Variants in FREM2 observed in about 807,000 individuals in gnomAD.
FREM2 encodes the protein FRAS1-related extracellular matrix protein 2.
FREM2 carries 119 observed loss-of-function variants against 219.9 expected under a neutral mutation model. The ratio of observed to expected loss-of-function variants is 0.54; its 90% CI spans 0.47 to 0.63. The LOEUF is 0.63. FREM2 is among the 30% of genes least tolerant of loss of function. FREM2 has a pLI of 0.00. For synonymous variants in FREM2, 1,562 were observed against 1,522.8 expected, an observed-to-expected ratio of 1.03 and a Z score of -0.60; for missense variants, 4,030 against 3,993.6, an observed-to-expected ratio of 1.01 and a Z score of -0.25.
At chr13:38,741,193 A>C (rs1010027299) in intron 2 of FREM2, among the ~76,000 whole-genome samples, 2 of 152,168 alleles carry the variant, frequency 1.3e-5, no homozygotes, top group African/African-American at 4.8e-5. Context: ...CCACTAAAAC[A>C]CACTGCCTCT....
At chr13:38,757,600 T>C (rs941773771) in intron 2 of FREM2, among the ~76,000 whole-genome samples, 2 of 151,596 alleles carry the variant, frequency 1.3e-5, no homozygotes, top group Non-Finnish European at 2.9e-5. Context: ...TCTTTTTTTT[T>C]CTCTTTTTTT....
chr13:38,739,050 G>A (rs1444795690), intron 2 of FREM2, among the ~76,000 whole-genome samples: 2 of 152,128 alleles, frequency 1.3e-5, no homozygotes, highest in African/African-American at 2.4e-5. Flanking sequence ...GGAGTAAGTA[G>A]TATCATATAT....
In FREM2 at chr13:38,850,094, A is replaced by G. The variant is rs772505035; in HGVS notation, c.6436A>G (p.Ile2146Val). 3.7e-6 allele frequency: 6 copies of G among 1,614,076 alleles called. No individual in the cohort carries two copies. Among genetic ancestry groups the G allele is most frequent in the South Asian group, 2.2e-5 (2 of 91,084 alleles). The change falls in exon 9 of 24, where the codon ATA (isoleucine) becomes GTA (valine). Residue 2146 changes from isoleucine to valine, a missense_variant. Physicochemically the swap from Ile to Val is conservative, Grantham distance 29. Around this residue, in one of 2 missense-constraint regions of FREM2, gnomAD observed 3,102 missense variants for 2,950.7 expected, o/e 1.05. Coordinates refer to ENST00000280481, the MANE Select transcript of FREM2 (RefSeq NM_207361.6). ...IYTGSESDGQ[I>V]VTMIHRTGDV... ...TACTGGCAGCGAAAGTGATGGGCAGATAGTTACAATGATCCATAGGACTGG... is the reference window on the plus strand; with the variant it reads ...TACTGGCAGCGAAAGTGATGGGCAGGTAGTTACAATGATCCATAGGACTGG...
At chr13:38,784,455 A>G (rs1364857817) in intron 5 of FREM2, 102 bp from the exon 6 acceptor site, 5 of 1,316,820 alleles carry the variant, frequency 3.8e-6, no homozygotes, top group African/African-American at 2.9e-5. Context: ...GTTCATGTCT[A>G]CTAACTGACC....
At chr13:38,818,477 A>G (rs748900564) in intron 6 of FREM2, among the ~76,000 whole-genome samples, 3 of 152,108 alleles carry the variant, frequency 2.0e-5, no homozygotes, top group Non-Finnish European at 4.4e-5. Flanking sequence ...TGGAATCTAC[A>G]AAGGAAAAAA....
At chr13:38,768,985 T>C (rs552066382) in intron 3 of FREM2, among the ~76,000 whole-genome samples, 181 of 152,300 alleles carry the variant, frequency 1.2e-3, no homozygotes, top group Middle Eastern at 3.4e-3. Flanking sequence ...AATTCTGGGG[T>C]GTTCCAGAAA....
Position 38,880,693 on chromosome 13 carries a change from A to G in FREM2, c.9416A>G (p.Glu3139Gly). 3 of 1,614,188 alleles carry G rather than the reference A, an allele frequency of 1.9e-6. No homozygotes were observed. Among genetic ancestry groups the G allele is most frequent in the Non-Finnish European group, 2.5e-6 (3 of 1,180,028 alleles). ...VIAVLMCRGK[E>G]SFRGKDAPKG... ...GCAGTGCTGATGTGCAGGGGCAAGGAAAGTTTCAGGGGGAAGGATGCCCCG... is the reference window on the plus strand; with the variant it reads ...GCAGTGCTGATGTGCAGGGGCAAGGGAAGTTTCAGGGGGAAGGATGCCCCG... The change falls in exon 24 of 24, where the codon GAA (glutamate) becomes GGA (glycine). Residue 3139 changes from glutamate (E) to glycine (G), a missense_variant. Glu to Gly is a moderately conservative substitution (Grantham distance 98). This residue lies in a region of FREM2 where 928 missense variants were observed against 1,042.9 expected (regional missense o/e 0.89). Transcript: ENST00000280481.
rs66795118 is a variant in FREM2, at chr13:38,840,625, A to AATATATATATATATATATAT, written c.6020-5947_6020-5928dup. On this transcript the variant is annotated intron_variant, in intron 6 of 23. Transcript: ENST00000280481. ...TTTTTAACCTGGGGGATAAAACTAA[A>AATATATATATATATATATAT]ATATATATATATATATATATGTGTA... Among the ~76,000 whole-genome samples the AATATATATATATATATATAT allele has an allele frequency of 4.7e-3, 632 of 135,002 alleles. 5 individuals carry two copies. The highest frequency in any genetic ancestry group is 0.018 in the African/African-American group (580 of 31,500). 88.6% of individuals were successfully genotyped at this position (135,002 alleles called of 152,430 possible).
chr13:38,781,466 C>T (rs2137827924), intron 4 of FREM2, among the ~76,000 whole-genome samples: 1 of 152,128 alleles, frequency 6.6e-6, no homozygotes, highest in South Asian at 2.1e-4. Flanking sequence ...TACTTATTTT[C>T]TTGTATACAT....
At chr13:38,828,094 A>G (rs1876363398) in intron 6 of FREM2, among the ~76,000 whole-genome samples, 1 of 152,118 alleles carries the variant, frequency 6.6e-6, no homozygotes, top group African/African-American at 2.4e-5. Context: ...TAACATGCAC[A>G]CATTTTTGTT....
chr13:38,782,059 G>A (rs997482864), intron 4 of FREM2, among the ~76,000 whole-genome samples: 3 of 152,240 alleles, frequency 2.0e-5, no homozygotes, highest in South Asian at 2.1e-4. Context: ...AACATTAGGC[G>A]TGGTTCCCAT....
intron 2 of FREM2, among the ~76,000 whole-genome samples, chr13:38,756,920 G>A (rs1873032836): frequency 6.6e-6 from 1 of 152,088 alleles, no homozygotes; most frequent in Non-Finnish European, 1.5e-5. Context: ...TAAAAAAACT[G>A]TGAATAGGAT....
chr13:38,744,767 C>T (rs1334963216), intron 2 of FREM2, among the ~76,000 whole-genome samples: 1 of 152,236 alleles, frequency 6.6e-6, no homozygotes, highest in Admixed American at 6.5e-5. Flanking sequence ...GCTGGGATTA[C>T]AGGCGTAAGC....
intron 11 of FREM2, among the ~76,000 whole-genome samples, chr13:38,854,796 C>T (rs1381009646): frequency 2.6e-5 from 4 of 152,106 alleles, no homozygotes; most frequent in African/African-American, 9.7e-5. Context: ...AATTGCTCCT[C>T]GTACCTGATA....
intron 23 of FREM2, 69 bp downstream of exon 23, chr13:38,879,046 C>G (rs989081557): frequency 7.5e-7 from 1 of 1,332,622 alleles, no homozygotes; most frequent in East Asian, 2.3e-5. Flanking sequence ...ATTTATATGC[C>G]TCAGATGTCT....
At chr13:38,726,551 A>G (rs9576604) in intron 2 of FREM2, among the ~76,000 whole-genome samples, 18,268 of 152,120 alleles carry the variant, frequency 0.12, 1,290 homozygotes, top group Middle Eastern at 0.24. Flanking sequence ...GGAGTCTATC[A>G]TGTGTGTGGC....
chr13:38,878,745 T>A (rs1878439105), intron 22 of FREM2, 86 bp from the exon 23 acceptor site: 3 of 1,309,266 alleles, frequency 2.3e-6, no homozygotes, highest in Non-Finnish European at 2.2e-6. Context: ...AATTTGTACT[T>A]GCACAAAACA....
intron 2 of FREM2, 34 bp downstream of exon 2, chr13:38,697,821 G>A (rs1402713976): frequency 1.7e-5 from 20 of 1,195,720 alleles, no homozygotes; most frequent in Non-Finnish European, 2.4e-5. Flanking sequence ...GTGACCGCAA[G>A]GAGAGACGCT....
At chr13:38,759,465 AC>A (rs1294601775) in intron 2 of FREM2, among the ~76,000 whole-genome samples, 53 of 151,672 alleles carry the variant, frequency 3.5e-4, no homozygotes, top group African/African-American at 4.8e-4. Flanking sequence ...AAAAAAAAAA[AC>A]GACTGAGTTT....
Sources: gnomAD v4.1 joint callset for allele counts (sites outside exome capture counted in the v4.1 genomes callset) on GRCh38, gnomAD v4.1.1 for gene constraint, gnomAD v4.1.1 regional missense constraint, MANE v1.5 for transcripts, NCBI Gene and HGNC (gene_info 2026-07-23, HGNC 2026-07-21) for gene names.